METTL3: variants seen among roughly 807,000 people sequenced by gnomAD.
METTL3 encodes the protein methyltransferase 3, N6-adenosine-methyltransferase complex catalytic subunit, also known as N(6)-adenosine-methyltransferase catalytic subunit METTL3.
A neutral mutation model predicts 64.3 loss-of-function variants in METTL3; 42 were observed. That is an observed-to-expected ratio of 0.65 (90% CI 0.51 to 0.84). METTL3 has a LOEUF of 0.84. Ranked by LOEUF, METTL3 falls within the 40% of genes least tolerant of loss-of-function variation. METTL3 has a pLI of 0.00. For missense variants in METTL3, 435 were observed against 722.3 expected (o/e 0.60, Z 4.56); for synonymous variants, 256 against 263.6 (o/e 0.97, Z 0.28).
chr14:21,510,826 C>T (rs113176877), intron 1 of METTL3: 3 of 359,252 alleles, frequency 8.4e-6, no homozygotes, highest in Admixed American at 9.2e-5. Context: ...GGCTGAGCAG[C>T]CTCACAAAGG....
intron 1 of METTL3, 34 bp downstream of exon 1, chr14:21,511,090 G>A: frequency 6.2e-7 from 1 of 1,608,656 alleles, no homozygotes; most frequent in Non-Finnish European, 8.5e-7. Context: ...GTCCTCCCCG[G>A]TTGAGCCTCG....
At position 21,500,506 on chromosome 14, in the gene METTL3, C is replaced by G; in HGVS notation, c.1293G>C (p.Trp431Cys). Reference sequence around the variant, plus strand: ...CTGAATTGCATTACCTGCCTGTGACCCAGAGGAAGAGAAAGCCATCATCCT... The same window carrying G: ...CTGAATTGCATTACCTGCCTGTGACGCAGAGGAAGAGAAAGCCATCATCCT... ...VLQDDGFLFL[W>C]VTGRAMELGR... The change falls in exon 6 of 11, where the codon TGG becomes TGC. Residue 431 changes from tryptophan (W) to cysteine (C), a missense_variant. Physicochemically the swap from Trp to Cys is radical, Grantham distance 215 (BLOSUM62 -2). Transcript: ENST00000298717. 6.2e-7 allele frequency: 1 copy of G among 1,614,064 alleles called. No individual in the cohort carries two copies. The highest frequency in any genetic ancestry group is 2.2e-5 in the East Asian group (1 of 44,886).
chr14:21,500,858 GC>G (rs1343179852), intron 5 of METTL3, 54 bp downstream of exon 5: 1 of 1,536,614 alleles, frequency 6.5e-7, no homozygotes, highest in Non-Finnish European at 8.9e-7. Flanking sequence ...GTGTATGGCT[GC>G]CCTATCAAAC....
chr14:21,507,479 GAAACCCCGTCTCTACTA>G (rs1211865931), intron 1 of METTL3, among the ~76,000 whole-genome samples: 1 of 152,044 alleles, frequency 6.6e-6, no homozygotes, highest in Non-Finnish European at 1.5e-5. Flanking sequence ...CTAACACTGT[GAAACCCCGTCTCTACTA>G]AAAACGATAC....
At chr14:21,500,377 AAG>A in intron 6 of METTL3, 116 bp downstream of exon 6, 1 of 1,035,246 alleles carries the variant, frequency 9.7e-7, no homozygotes, top group South Asian at 1.5e-5. Flanking sequence ...AAAAGAAAAA[AAG>A]ACTAAATCAG....
rs1190739282 is a variant in METTL3, at chr14:21,501,656, CTG to C, written c.899+70_899+71del. On this transcript the variant is annotated intron_variant, in intron 4 of 10. Transcript: ENST00000298717. ...AAGATTACAGACAGAACCCCAATGA[CTG>C]GAAGGAATATGCTGAAAAGGAATGG... is the stretch of plus-strand genomic sequence containing the variant. The C allele has an allele frequency of 8.8e-6, 14 of 1,590,370 alleles. No homozygotes were observed. The East Asian group carries it at 3.1e-4, about 36-fold the overall frequency.
chr14:21,498,168 TAAAG>T lies in METTL3; in HGVS notation c.*86_*89del. On this transcript the variant is annotated 3_prime_UTR_variant, in exon 11 of 11. Coordinates refer to ENST00000298717, the MANE Select transcript of METTL3 (RefSeq NM_019852.5). ...ACTACAATACAAATGTTTATTTAAATAAAGAAGAAAGCTATTGTACAAATATCAC... is the reference window on the plus strand; with the variant it reads ...ACTACAATACAAATGTTTATTTAAATAAGAAAGCTATTGTACAAATATCAC... 2.6e-6 allele frequency: 2 copies of T among 781,628 alleles called. No homozygotes were observed. Among genetic ancestry groups the T allele is most frequent in the East Asian group, 2.5e-5 (1 of 39,894 alleles). The allele number at this position is 781,628 out of a possible 1,614,324, so 48.4% of individuals were successfully genotyped here.
intron 7 of METTL3, 53 bp from the exon 8 acceptor site, chr14:21,499,653 G>C: frequency 6.3e-7 from 1 of 1,581,764 alleles, no homozygotes; most frequent in Middle Eastern, 1.7e-4. Context: ...ACAGTTTAGG[G>C]GTAGTACCAT....
chr14:21,503,341 A>G lies in METTL3; in HGVS notation c.555T>C (p.Thr185=). ...GQKRRAEQDS[T]TVAAFASSLV... is the part of the protein sequence containing the mutation. The stretch of plus-strand genomic sequence containing the variant: ...ACGAACTGGCAAAGGCAGCTACTGT[A>G]GTCGAGTCCTGTTCTGCACGCCGCT... Residue 185 remains threonine (T), a synonymous_variant, in exon 3 of 11, where the codon ACT becomes ACC. Transcript: ENST00000298717. 6.2e-7 allele frequency: 1 copy of G among 1,614,162 alleles called. No individual in the cohort carries two copies. Among genetic ancestry groups the G allele is most frequent in the South Asian group, 1.1e-5 (1 of 91,076 alleles).
chr14:21,498,316 A>C lies in METTL3; in HGVS notation c.1685T>G (p.Val562Gly). ...TGGGTACCTTTGCTTGAACCGTGCAACCACATCTGGGTCTAGTAGGTGGAT... is the reference window on the plus strand; with the variant it reads ...TGGGTACCTTTGCTTGAACCGTGCACCCACATCTGGGTCTAGTAGGTGGAT... ...DGIHLLDPDV[V>G]ARFKQRYPDG... The change falls in exon 11 of 11, where the codon GTT (valine) becomes GGT (glycine). Residue 562 changes from valine (V) to glycine (G), a missense_variant. Val to Gly is a moderately radical substitution (Grantham distance 109). Around this residue, in one of 9 missense-constraint regions of METTL3, gnomAD observed 20 missense variants for 26.2 expected, o/e 0.76. Coordinates refer to ENST00000298717, the MANE Select transcript of METTL3 (RefSeq NM_019852.5). 1 of 1,614,170 alleles carries C rather than the reference A, an allele frequency of 6.2e-7. No individual in the cohort carries two copies. Among genetic ancestry groups the C allele is most frequent in the Non-Finnish European group, 8.5e-7 (1 of 1,180,030 alleles).
chr14:21,508,812 T>C (rs1891759751), intron 1 of METTL3, among the ~76,000 whole-genome samples: 1 of 152,192 alleles, frequency 6.6e-6, no homozygotes, highest in South Asian at 2.1e-4. Context: ...GAGAATCACT[T>C]GAACCTGGGA....
Position 21,503,880 on chromosome 14 carries a change from A to C in METTL3, c.102T>G (p.Asp34Glu). The change falls in exon 2 of 11, where the codon GAT (aspartate) becomes GAG (glutamate). Residue 34 changes from aspartate to glutamate, a missense_variant and splice_region_variant. Transcript: ENST00000298717. The stretch of plus-strand genomic sequence containing the variant: ...ACAATGCTGCCTCTGGATTCCGTAG[A>C]TCTAAGAATGAAGAGAAGTGAAAAT... Reference protein sequence around the residue: ...RRRKQDSGHLDLRNPEAALSP... With the variant: ...RRRKQDSGHLELRNPEAALSP... 1 of 1,613,598 alleles carries C rather than the reference A, an allele frequency of 6.2e-7. No individual in the cohort carries two copies. The highest frequency in any genetic ancestry group is 8.5e-7 in the Non-Finnish European group (1 of 1,179,734).
intron 1 of METTL3, among the ~76,000 whole-genome samples, chr14:21,506,244 T>G (rs1251120060): frequency 6.6e-6 from 1 of 152,052 alleles, no homozygotes; most frequent in Non-Finnish European, 1.5e-5. Context: ...TTTGGGTATA[T>G]GCCCAAAAGC....
intron 1 of METTL3, 86 bp downstream of exon 1, chr14:21,511,038 A>G (rs375677316): frequency 6.8e-7 from 1 of 1,472,232 alleles, no homozygotes; most frequent in Non-Finnish European, 9.1e-7. Context: ...CCGTTTGGTA[A>G]AGGGCAGTGA....
At chr14:21,502,722 C>A in intron 3 of METTL3, 1 of 163,258 alleles carries the variant, frequency 6.1e-6, no homozygotes, top group Admixed American at 5.7e-5. Context: ...ATACTCAGAA[C>A]CAATTCACAT....
chr14:21,511,294 G>C lies in METTL3; in HGVS notation c.-71C>G, dbSNP rs527760070. The C allele has an allele frequency of 1.3e-6, 2 of 1,541,034 alleles. No homozygotes were observed. The highest frequency in any genetic ancestry group is 1.7e-4 in the Middle Eastern group (1 of 5,880). ...TAGCACCTCCCAGCACTCGCTCCAG[G>C]ATATAGCCAATTCTCACGCGGACAC... On this transcript the variant is annotated 5_prime_UTR_variant, in exon 1 of 11. It adds an upstream start codon to the 5' untranslated region. Coordinates refer to ENST00000298717, the MANE Select transcript of METTL3 (RefSeq NM_019852.5).
At chr14:21,508,835 G>A (rs998768444) in intron 1 of METTL3, among the ~76,000 whole-genome samples, 1 of 152,092 alleles carries the variant, frequency 6.6e-6, no homozygotes, top group African/African-American at 2.4e-5. Context: ...CGGAGGTTGC[G>A]GTGAGCCAAG....
chr14:21,501,333 G>T, intron 4 of METTL3: 2 of 585,186 alleles, frequency 3.4e-6, no homozygotes, highest in South Asian at 2.1e-5. Flanking sequence ...TCTGAGTAAA[G>T]ACTTGGTTTC....
At chr14:21,501,175 A>G in intron 4 of METTL3, 46 bp from the exon 5 acceptor site, 1 of 1,424,134 alleles carries the variant, frequency 7.0e-7, no homozygotes. Flanking sequence ...CCAGATGTAG[A>G]TCCAACAGTT....
Sources: allele counts gnomAD v4.1 joint callset (sites outside exome capture counted in the v4.1 genomes callset), GRCh38; gene constraint gnomAD v4.1.1; regional missense constraint gnomAD v4.1.1; transcripts MANE v1.5; gene names NCBI Gene and HGNC (gene_info 2026-07-23, HGNC 2026-07-21).